The following RIN2 variants were observed in gnomAD, a reference collection of about 807,000 sequenced individuals.
RIN2 encodes Ras and Rab interactor 2, also known as RAB5 interacting protein 2.
Under a neutral mutation model 78.0 loss-of-function variants are expected in RIN2, and 36 were observed. The ratio of observed to expected loss-of-function variants is 0.46; its 90% CI spans 0.35 to 0.61. RIN2 has a LOEUF of 0.61. RIN2 is among the 20% of genes least tolerant of loss of function. The probability of loss-of-function intolerance (pLI) is 0.00; values close to 1 mark genes in which losing one functional copy is unlikely to be tolerated. For synonymous variants in RIN2, 466 were observed against 466.8 expected, an observed-to-expected ratio of 1.00 and a Z score of 0.02; for missense variants, 1,087 against 1,159.7, an observed-to-expected ratio of 0.94 and a Z score of 0.91.
intron 3 of RIN2, among the ~76,000 whole-genome samples, chr20:19,902,374 C>T (rs1015073866): frequency 1.3e-5 from 2 of 152,192 alleles, no homozygotes; most frequent in Non-Finnish European, 2.9e-5. Context: ...GGGCTGGATG[C>T]TAGTGAGCTG....
chr20:19,852,262 A>G (rs571712924), intron 2 of RIN2, among the ~76,000 whole-genome samples: 61 of 152,334 alleles, frequency 4.0e-4, no homozygotes, highest in African/African-American at 1.4e-3. Context: ...GAAGGTGGGT[A>G]ACATGACCAA....
intron 2 of RIN2, among the ~76,000 whole-genome samples, chr20:19,834,201 C>T (rs139403432): frequency 4.5e-4 from 69 of 152,286 alleles, no homozygotes; most frequent in African/African-American, 1.5e-3. Flanking sequence ...AAATATTCCA[C>T]CTATAAAGAA....
At position 19,771,470 on chromosome 20, in the gene RIN2, C is replaced by A. The variant is rs115893375; in HGVS notation, c.-163+13143C>A. Among the ~76,000 whole-genome samples the A allele has an allele frequency of 7.7e-3, 1,173 of 152,306 alleles. 17 individuals carry two copies. Among genetic ancestry groups the A allele is most frequent in the African/African-American group, 0.027 (1,107 of 41,552 alleles). On this transcript the variant is annotated intron_variant, in intron 1 of 12. Transcript: ENST00000255006. The stretch of plus-strand genomic sequence containing the variant: ...TCTCAGGGCACTCCCCGAACTCAAC[C>A]CCAACCCCTGCTGAAGCACACTTCC...
rs769954016 is a variant in RIN2, at chr20:19,955,447, CCACCT to C, written c.159-1165_159-1161del. Among the ~76,000 whole-genome samples, 94 of 152,138 alleles carry C rather than the reference CCACCT, an allele frequency of 6.2e-4. 2 individuals carry two copies. Among genetic ancestry groups the C allele is most frequent in the Non-Finnish European group, 1.2e-3 (83 of 68,036 alleles). ...AAACTCCCAGGCTAGAGCCATCCTC[CCACCT>C]CAGCCTCCTGAGTAGCTGGGACTAC... On this transcript the variant is annotated intron_variant, in intron 4 of 12. Transcript: ENST00000255006.
intron 2 of RIN2, among the ~76,000 whole-genome samples, chr20:19,821,464 G>C (rs75372684): frequency 0.019 from 2,931 of 152,118 alleles, 83 homozygotes; most frequent in East Asian, 0.098. Context: ...GAAGTATTCA[G>C]TGGGGCCCCA....
intron 2 of RIN2, among the ~76,000 whole-genome samples, chr20:19,802,116 G>C (rs1385044147): frequency 1.3e-5 from 2 of 152,192 alleles, no homozygotes; most frequent in African/African-American, 2.4e-5. Flanking sequence ...ATCATCCGTT[G>C]TCACATTTAA....
chr20:19,879,430 A>G (rs1282294326), intron 2 of RIN2, among the ~76,000 whole-genome samples: 1 of 152,188 alleles, frequency 6.6e-6, no homozygotes, highest in Non-Finnish European at 1.5e-5. Context: ...AGAAGGTGTC[A>G]TGGTATGTTG....
intron 2 of RIN2, among the ~76,000 whole-genome samples, chr20:19,801,838 G>C (rs2035252855): frequency 1.3e-5 from 2 of 152,156 alleles, no homozygotes; most frequent in South Asian, 4.1e-4. Context: ...CATAGTTCCA[G>C]GTATAAATAC....
chr20:19,770,686 G>A (rs746804), intron 1 of RIN2, among the ~76,000 whole-genome samples: 54,197 of 151,842 alleles, frequency 0.36, 11,163 homozygotes, highest in Non-Finnish European at 0.44. Context: ...ATGTTTTCAC[G>A]TATAACCTGT....
chr20:19,775,131 C>T (rs2034267813), intron 1 of RIN2, among the ~76,000 whole-genome samples: 1 of 152,118 alleles, frequency 6.6e-6, no homozygotes, highest in Non-Finnish European at 1.5e-5. Flanking sequence ...GAGTCTGGAG[C>T]TTGAAAGAGA....
intron 2 of RIN2, among the ~76,000 whole-genome samples, chr20:19,832,785 C>T (rs1180724983): frequency 6.6e-6 from 1 of 152,134 alleles, no homozygotes; most frequent in African/African-American, 2.4e-5. Context: ...GCTCTGTCCT[C>T]ATGCAGCAGA....
chr20:19,890,166 A>G (rs2038383239), intron 3 of RIN2, among the ~76,000 whole-genome samples: 1 of 152,228 alleles, frequency 6.6e-6, no homozygotes, highest in Non-Finnish European at 1.5e-5. Flanking sequence ...AAGGCTTCTT[A>G]TGATAATGAG....
intron 5 of RIN2, among the ~76,000 whole-genome samples, chr20:19,959,152 G>A (rs141215810): frequency 2.6e-5 from 4 of 152,274 alleles, no homozygotes; most frequent in Non-Finnish European, 4.4e-5. Flanking sequence ...GTAAATGATC[G>A]AGCGTGGCTG....
chr20:19,828,599 C>T (rs1382372228), intron 2 of RIN2, among the ~76,000 whole-genome samples: 2 of 152,176 alleles, frequency 1.3e-5, no homozygotes, highest in African/African-American at 2.4e-5. Context: ...TCTCCATTAT[C>T]TTCTAATATG....
At chr20:19,886,611 T>TA (rs2038203411) in intron 2 of RIN2, 1 of 754,604 alleles carries the variant, frequency 1.3e-6, no homozygotes, top group Non-Finnish European at 2.0e-6. Context: ...TTCTTCTTCT[T>TA]CTTTTTTTTT....
chr20:19,770,157 A>G (rs1427841700), intron 1 of RIN2, among the ~76,000 whole-genome samples: 2 of 152,262 alleles, frequency 1.3e-5, no homozygotes, highest in Admixed American at 1.3e-4. Flanking sequence ...AGAGCCTGGC[A>G]TAAGAACTAA....
chr20:19,977,356 G>C (rs2235896), intron 9 of RIN2, among the ~76,000 whole-genome samples: 1 of 152,012 alleles, frequency 6.6e-6, no homozygotes, highest in African/African-American at 2.4e-5. Flanking sequence ...AGTTAAATTC[G>C]GATGTGGTAC....
chr20:19,948,987 A>G (rs1204115695), intron 4 of RIN2, among the ~76,000 whole-genome samples: 1 of 152,104 alleles, frequency 6.6e-6, no homozygotes, highest in Non-Finnish European at 1.5e-5. Flanking sequence ...CTTTAAAAAA[A>G]AAAAAATCTA....
chr20:19,897,894 T>G (rs1238472509), intron 3 of RIN2, among the ~76,000 whole-genome samples: 1 of 152,132 alleles, frequency 6.6e-6, no homozygotes, highest in Non-Finnish European at 1.5e-5. Flanking sequence ...TTTTAGTTTT[T>G]GTAGAGACAG....
Sources: gnomAD v4.1 joint callset for allele counts (sites outside exome capture counted in the v4.1 genomes callset) on GRCh38, gnomAD v4.1.1 for gene constraint, MANE v1.5 for transcripts, NCBI Gene and HGNC (gene_info 2026-07-23, HGNC 2026-07-21) for gene names.